Variants in SMAD9 observed in about 807,000 individuals in gnomAD.
The protein encoded by SMAD9 is SMAD family member 9, also known as MAD homolog 9.
In SMAD9, 36 loss-of-function variants were observed where a neutral mutation model predicts 46.1. That is an observed-to-expected ratio of 0.78 (90% confidence interval 0.60 to 1.03). The LOEUF (loss-of-function observed/expected upper bound fraction) is 1.03. SMAD9 is among the 50% of genes least tolerant of loss of function. The pLI is 0.00. For missense variants in SMAD9, 572 were observed against 599.8 expected (o/e 0.95, Z 0.48); for synonymous variants, 245 against 237.1 (o/e 1.03, Z -0.31).
intron 6 of SMAD9, among the ~76,000 whole-genome samples, chr13:36,851,307 C>T (rs1346751029): frequency 6.6e-6 from 1 of 152,104 alleles, no homozygotes; most frequent in Non-Finnish European, 1.5e-5. Flanking sequence ...TGTTGCCTTG[C>T]TCTTCCCTCT....
At chr13:36,902,984 T>G (rs2058589472) in intron 1 of SMAD9, among the ~76,000 whole-genome samples, 1 of 152,040 alleles carries the variant, frequency 6.6e-6, no homozygotes, top group Non-Finnish European at 1.5e-5. Flanking sequence ...GAAATAAGCG[T>G]GAGGATGGGA....
chr13:36,873,476 C>T (rs1031638165), intron 2 of SMAD9, among the ~76,000 whole-genome samples: 2 of 152,126 alleles, frequency 1.3e-5, no homozygotes, highest in African/African-American at 4.8e-5. Context: ...TAAAAACATT[C>T]TATGTGTCCT....
intron 1 of SMAD9, among the ~76,000 whole-genome samples, chr13:36,902,459 C>CTT (rs933954033): frequency 2.1e-5 from 3 of 145,032 alleles, no homozygotes; most frequent in Admixed American, 6.9e-5. Flanking sequence ...CTTTGTTCTT[C>CTT]TTTTTTTTTT....
At chr13:36,867,212 T>TG in intron 4 of SMAD9, 61 bp downstream of exon 4, 1 of 1,120,066 alleles carries the variant, frequency 8.9e-7, no homozygotes, top group Non-Finnish European at 1.3e-6. Flanking sequence ...TTGCTTTGTT[T>TG]GGGGGTAATA....
intron 5 of SMAD9, among the ~76,000 whole-genome samples, chr13:36,863,413 C>G (rs1454212625): frequency 6.6e-6 from 1 of 152,226 alleles, no homozygotes; most frequent in Non-Finnish European, 1.5e-5. Context: ...CTATTAGGTG[C>G]TCCAGTTTGC....
At chr13:36,893,204 T>C (rs975607151) in intron 1 of SMAD9, among the ~76,000 whole-genome samples, 1 of 151,994 alleles carries the variant, frequency 6.6e-6, no homozygotes, top group African/African-American at 2.4e-5. Flanking sequence ...ATGAAACCAA[T>C]TCATTGGATC....
At chr13:36,896,408 C>CAGGT (rs747310318) in intron 1 of SMAD9, among the ~76,000 whole-genome samples, 1 of 152,208 alleles carries the variant, frequency 6.6e-6, no homozygotes, top group Non-Finnish European at 1.5e-5. Context: ...GTTGGGCTTA[C>CAGGT]AGGTGCGAGA....
At position 36,872,666 on chromosome 13, in the gene SMAD9, T is replaced by C; in HGVS notation, c.662A>G (p.Gln221Arg). The part of the protein sequence containing the change: ...GSPSEPESPY[Q>R]HSVDTPPLPY... ...CCATAGTTCTTACTGACCTGAGTGT[T>C]GATAGGGACTCTCTGGCTCAGAAGG... Residue 221 changes from glutamine (Q) to arginine (R), a missense_variant, in exon 3 of 7, where the codon CAA becomes CGA. Transcript: ENST00000379826. The C allele has an allele frequency of 6.2e-7, 1 of 1,614,038 alleles. No individual in the cohort carries two copies. The highest frequency in any genetic ancestry group is 8.5e-7 in the Non-Finnish European group (1 of 1,180,020).
chr13:36,890,944 A>T (rs1285850505), intron 1 of SMAD9, among the ~76,000 whole-genome samples: 2 of 152,156 alleles, frequency 1.3e-5, no homozygotes, highest in Admixed American at 6.5e-5. Context: ...CATGTTCTTC[A>T]AAACGTTCCC....
intron 1 of SMAD9, among the ~76,000 whole-genome samples, chr13:36,882,382 C>CT (rs1277120525): frequency 6.6e-6 from 1 of 152,200 alleles, no homozygotes; most frequent in Admixed American, 6.5e-5. Flanking sequence ...AACTGTCTGT[C>CT]TGAGGTTTCC....
chr13:36,856,266 G>A (rs12858120), intron 5 of SMAD9, among the ~76,000 whole-genome samples: 3,154 of 152,232 alleles, frequency 0.021, 84 homozygotes, highest in South Asian at 0.12. Flanking sequence ...GGATTTAGTC[G>A]GTATGTGAAT....
upstream of SMAD9, chr13:36,920,497 C>T (rs61947049): frequency 0.18 from 26,857 of 151,956 alleles, 2,950 homozygotes; most frequent in Non-Finnish European, 0.24. Flanking sequence ...CTTCCCCACC[C>T]CCAGCCCCGC....
chr13:36,880,928 G>A (rs1349379872), intron 1 of SMAD9, among the ~76,000 whole-genome samples: 1 of 151,796 alleles, frequency 6.6e-6, no homozygotes, highest in Non-Finnish European at 1.5e-5. Flanking sequence ...AAAATTGATA[G>A]ATACAGCCTA....
intron 1 of SMAD9, among the ~76,000 whole-genome samples, chr13:36,911,337 A>C (rs1312112222): frequency 6.6e-6 from 1 of 152,116 alleles, no homozygotes; most frequent in Non-Finnish European, 1.5e-5. Flanking sequence ...GCCCCATGTA[A>C]TTAATTGAAG....
chr13:36,852,412 C>CA, intron 6 of SMAD9: 5 of 984,934 alleles, frequency 5.1e-6, no homozygotes, highest in Non-Finnish European at 6.0e-6. Context: ...TTGCAACAGA[C>CA]AAAATAGCAG....
At chr13:36,881,585 C>T (rs1435107959) in intron 1 of SMAD9, among the ~76,000 whole-genome samples, 3 of 152,188 alleles carry the variant, frequency 2.0e-5, no homozygotes, top group African/African-American at 7.2e-5. Context: ...CACTTTATTC[C>T]TCATCTGGGC....
At chr13:36,880,078 A>C (rs1212763804) in intron 1 of SMAD9, among the ~76,000 whole-genome samples, 1 of 152,138 alleles carries the variant, frequency 6.6e-6, no homozygotes, top group Non-Finnish European at 1.5e-5. Context: ...GAAGGGAAAA[A>C]ACATTCTTCA....
In SMAD9 at chr13:36,847,004, T is replaced by A. The variant is rs1358375180; in HGVS notation, c.*1672A>T. ...GCACAATACATAGTTGATGAACCAA[T>A]AAACTACAGATTTTTCTATACACTA... On this transcript the variant is annotated 3_prime_UTR_variant, in exon 7 of 7. Coordinates refer to ENST00000379826, the MANE Select transcript of SMAD9 (RefSeq NM_001127217.3). The A allele has an allele frequency of 1.3e-5, 2 of 152,188 alleles. No homozygotes were observed. Among genetic ancestry groups the A allele is most frequent in the African/African-American group, 4.8e-5 (2 of 41,448 alleles). The allele number at this position is 152,188 out of a possible 1,614,324, so 9.4% of individuals were successfully genotyped here.
chr13:36,855,250 T>C (rs9594173), intron 5 of SMAD9, among the ~76,000 whole-genome samples: 56 of 75,872 alleles, frequency 7.4e-4, no homozygotes, highest in African/African-American at 2.9e-3. Context: ...AGAGTCCATC[T>C]CAAAAAAAAA....
Sources: gnomAD v4.1 joint callset for allele counts (sites outside exome capture counted in the v4.1 genomes callset) on GRCh38, gnomAD v4.1.1 for gene constraint, MANE v1.5 for transcripts, NCBI Gene and HGNC (gene_info 2026-07-23, HGNC 2026-07-21) for gene names.